Variants in ALK observed in about 807,000 individuals in gnomAD.
ALK encodes the protein ALK receptor tyrosine kinase.
Under a neutral mutation model 163.1 loss-of-function variants are expected in ALK, and 74 were observed. The ratio of observed to expected loss-of-function variants is 0.45; its 90% confidence interval spans 0.38 to 0.55. The LOEUF is 0.55. Among genes scored for constraint, ALK ranks in the 20% least tolerant of loss-of-function variants. The pLI is 0.00. For missense variants in ALK, 2,063 were observed against 2,105.3 expected (o/e 0.98, Z 0.39); for synonymous variants, 960 against 843.2 (o/e 1.14, Z -2.40).
chr2:29,537,454 G>T (rs1673290021), intron 3 of ALK, among the ~76,000 whole-genome samples: 1 of 152,226 alleles, frequency 6.6e-6, no homozygotes, highest in Admixed American at 6.5e-5. Context: ...CTTCCATGTG[G>T]TATTCAGCCT....
chr2:29,263,434 G>A lies in ALK; in HGVS notation c.2041+11665C>T, dbSNP rs75554936. ...ACTTCCGACAGATGAGCAGACGGAG[G>A]TGCAGGCAGCCCAACTGGCTTGGGG... is the stretch of plus-strand genomic sequence containing the variant. On this transcript the variant is annotated intron_variant, in intron 11 of 28. Transcript: ENST00000389048. Among the ~76,000 whole-genome samples the A allele has an allele frequency of 9.4e-3, 1,428 of 152,262 alleles. 35 individuals carry two copies. The highest frequency in any genetic ancestry group is 0.032 in the African/African-American group (1,334 of 41,548).
intron 4 of ALK, among the ~76,000 whole-genome samples, chr2:29,446,845 T>C (rs961568530): frequency 2.0e-5 from 3 of 152,358 alleles, no homozygotes; most frequent in South Asian, 2.1e-4. Flanking sequence ...GTTTAAACTT[T>C]AGTTACCCTT....
chr2:29,216,732 G>A (rs1371222643), intron 23 of ALK, among the ~76,000 whole-genome samples: 2 of 148,572 alleles, frequency 1.3e-5, no homozygotes, highest in Non-Finnish European at 3.0e-5. Flanking sequence ...GTGTATATGT[G>A]TTTGTGTTTT....
intron 5 of ALK, among the ~76,000 whole-genome samples, chr2:29,372,776 T>C (rs550588238): frequency 1.3e-5 from 2 of 152,330 alleles, no homozygotes; most frequent in Admixed American, 1.3e-4. Context: ...TTCTGTTGCA[T>C]CTTTTTGGCC....
intron 1 of ALK, among the ~76,000 whole-genome samples, chr2:29,904,397 T>C (rs1312913812): frequency 3.3e-5 from 5 of 152,276 alleles, no homozygotes; most frequent in African/African-American, 1.2e-4. Flanking sequence ...CCTCATTTAT[T>C]TAGTTATATT....
chr2:29,681,650 A>G (rs2148279264), intron 3 of ALK, among the ~76,000 whole-genome samples: 1 of 152,282 alleles, frequency 6.6e-6, no homozygotes, highest in African/African-American at 2.4e-5. Context: ...ATATGCAGCC[A>G]TAAATGGAGC....
chr2:29,781,465 A>G (rs1455857041), intron 1 of ALK, among the ~76,000 whole-genome samples: 1 of 152,202 alleles, frequency 6.6e-6, no homozygotes, highest in Non-Finnish European at 1.5e-5. Flanking sequence ...ACCTCCAGGA[A>G]GGAGAGAGAA....
chr2:29,475,807 T>G (rs183304831), intron 4 of ALK, among the ~76,000 whole-genome samples: 1 of 152,272 alleles, frequency 6.6e-6, no homozygotes, highest in East Asian at 1.9e-4. Context: ...CTCTGGGAGC[T>G]TCATGCTTGG....
chr2:29,790,086 T>C (rs7571379), intron 1 of ALK, among the ~76,000 whole-genome samples: 117,570 of 152,138 alleles, frequency 0.77, 50,913 homozygotes, highest in Non-Finnish European at 0.95. Context: ...GGTAGGCATG[T>C]GGGTTAATGA....
chr2:29,359,078 T>C (rs932169590), intron 5 of ALK, among the ~76,000 whole-genome samples: 8 of 148,620 alleles, frequency 5.4e-5, no homozygotes, highest in Admixed American at 2.0e-4. Context: ...GTAGATCTCA[T>C]GTGAAGTGTT....
chr2:29,564,814 G>C (rs1674133209), intron 3 of ALK, among the ~76,000 whole-genome samples: 1 of 152,152 alleles, frequency 6.6e-6, no homozygotes, highest in Non-Finnish European at 1.5e-5. Context: ...TTTTTAGTGT[G>C]TTTGTGTGGC....
intron 11 of ALK, among the ~76,000 whole-genome samples, chr2:29,254,074 G>A (rs1200522498): frequency 6.6e-6 from 1 of 152,072 alleles, no homozygotes; most frequent in Non-Finnish European, 1.5e-5. Context: ...GCTTTGTAAG[G>A]GGCTTCCCCC....
intron 2 of ALK, among the ~76,000 whole-genome samples, chr2:29,701,908 G>A (rs1173754794): frequency 6.6e-6 from 1 of 152,172 alleles, no homozygotes; most frequent in East Asian, 1.9e-4. Flanking sequence ...CTTCCTGTGA[G>A]TCCTGAGGCC....
chr2:29,350,807 C>A (rs533920095), intron 5 of ALK, among the ~76,000 whole-genome samples: 1 of 152,162 alleles, frequency 6.6e-6, no homozygotes, highest in Non-Finnish European at 1.5e-5. Context: ...AGAGGTTAAG[C>A]AACTTGTCCA....
intron 11 of ALK, 111 bp from the exon 12 acceptor site, chr2:29,251,378 C>G: frequency 9.0e-7 from 1 of 1,105,838 alleles, no homozygotes; most frequent in Non-Finnish European, 1.3e-6. Context: ...ACCCTCCATC[C>G]AAGATGGCAC....
intron 1 of ALK, among the ~76,000 whole-genome samples, chr2:29,785,607 T>C (rs1216414520): frequency 6.6e-6 from 1 of 152,172 alleles, no homozygotes; most frequent in Non-Finnish European, 1.5e-5. Flanking sequence ...CCATGTGACT[T>C]GCAAAAATGC....
At chr2:29,861,121 G>A (rs753637951) in intron 1 of ALK, among the ~76,000 whole-genome samples, 1 of 152,150 alleles carries the variant, frequency 6.6e-6, no homozygotes, top group African/African-American at 2.4e-5. Flanking sequence ...GCAGTGAGTT[G>A]TAATTGTACC....
At chr2:29,726,253 C>T (rs1015025561) in intron 1 of ALK, among the ~76,000 whole-genome samples, 3 of 152,130 alleles carry the variant, frequency 2.0e-5, no homozygotes, top group Non-Finnish European at 4.4e-5. Flanking sequence ...GTACTCTGCT[C>T]TTTATGAAAT....
At chr2:29,557,588 T>C (rs1673898671) in intron 3 of ALK, among the ~76,000 whole-genome samples, 1 of 152,230 alleles carries the variant, frequency 6.6e-6, no homozygotes, top group East Asian at 1.9e-4. Context: ...CCTACATGAA[T>C]GCATTCTCTT....
Sources: gnomAD v4.1 joint callset for allele counts (sites outside exome capture counted in the v4.1 genomes callset) on GRCh38, gnomAD v4.1.1 for gene constraint, MANE v1.5 for transcripts, NCBI Gene and HGNC (gene_info 2026-07-23, HGNC 2026-07-21) for gene names.